The following C9 variants were observed in gnomAD, a reference collection of about 807,000 sequenced individuals.
The protein encoded by C9 is complement component C9.
A neutral mutation model predicts 65.4 loss-of-function variants in C9; 63 were observed. The ratio of observed to expected loss-of-function variants is 0.96; its 90% CI spans 0.79 to 1.19. The LOEUF (loss-of-function observed/expected upper bound fraction) is 1.19. C9 is among the 50% of genes most tolerant of loss of function. C9 has a pLI of 0.00. For missense variants in C9, 744 were observed against 670.1 expected (o/e 1.11, Z -1.22); for synonymous variants, 229 against 227.9 (o/e 1.00, Z -0.04).
chr5:39,294,147 A>G (rs1277527992), intron 9 of C9, among the ~76,000 whole-genome samples: 1 of 151,886 alleles, frequency 6.6e-6, no homozygotes, highest in Non-Finnish European at 1.5e-5. Flanking sequence ...CATTTCAAGG[A>G]GCTAGAAAAG....
At chr5:39,295,344 T>C (rs918838577) in intron 9 of C9, among the ~76,000 whole-genome samples, 13 of 151,656 alleles carry the variant, frequency 8.6e-5, no homozygotes, top group South Asian at 4.1e-4. Flanking sequence ...GAACTGACAA[T>C]CGACTTTAGT....
chr5:39,362,502 A>G (rs932094587), intron 1 of C9, among the ~76,000 whole-genome samples: 17 of 152,156 alleles, frequency 1.1e-4, no homozygotes, highest in Admixed American at 1.1e-3. Context: ...CCTTGATTTC[A>G]GACTTCTAAC....
At chr5:39,361,821 A>G (rs35566925) in intron 1 of C9, among the ~76,000 whole-genome samples, 1 of 152,218 alleles carries the variant, frequency 6.6e-6, no homozygotes, top group Non-Finnish European at 1.5e-5. Context: ...AAAGAAAAAA[A>G]CAATAGTTAG....
At chr5:39,345,975 G>C (rs928496711) in intron 1 of C9, among the ~76,000 whole-genome samples, 2 of 152,232 alleles carry the variant, frequency 1.3e-5, no homozygotes, top group African/African-American at 4.8e-5. Context: ...AAACCAATGA[G>C]AACAAAGACA....
In C9 at chr5:39,285,073, C is replaced by T. The variant is rs1752966740; in HGVS notation, c.*126G>A. 1.2e-6 allele frequency: 1 copy of T among 810,992 alleles called. No homozygotes were observed. Among genetic ancestry groups the T allele is most frequent in the Admixed American group, 1.9e-5 (1 of 53,422 alleles). 50.2% of individuals were successfully genotyped at this position (810,992 alleles called of 1,614,324 possible). On this transcript the variant is annotated 3_prime_UTR_variant, in exon 11 of 11. Coordinates refer to ENST00000263408, the MANE Select transcript of C9 (RefSeq NM_001737.5). The stretch of plus-strand genomic sequence containing the variant: ...TATAGACCTAAGAGAGAAGAGACTT[C>T]AGAGGTTGGTAGGATTTTCATGAAG...
intron 1 of C9, among the ~76,000 whole-genome samples, chr5:39,354,226 T>A (rs936319955): frequency 6.6e-6 from 1 of 152,206 alleles, no homozygotes; most frequent in African/African-American, 2.4e-5. Flanking sequence ...AATGTTTCCA[T>A]AAAACTACAG....
chr5:39,284,615 AACTAGTAGTTTTTGGTT>A lies in C9; in HGVS notation c.*567_*583del, dbSNP rs1209315857. On this transcript the variant is annotated 3_prime_UTR_variant, in exon 11 of 11. Transcript: ENST00000263408. ...TTTATCTCCCTTCAGTCCTCTGGTA[AACTAGTAGTTTTTGGTT>A]ACAAATATAATATGTTTTCCCCCTT... The A allele has an allele frequency of 6.6e-6, 1 of 152,414 alleles. No homozygotes were observed. The allele number at this position is 152,414 out of a possible 1,614,324, so 9.4% of individuals were successfully genotyped here.
chr5:39,313,428 A>T (rs1178086467), intron 6 of C9, among the ~76,000 whole-genome samples: 1 of 152,160 alleles, frequency 6.6e-6, no homozygotes, highest in African/African-American at 2.4e-5. Context: ...CACAATTGAC[A>T]CAGTTCATCA....
intron 5 of C9, among the ~76,000 whole-genome samples, chr5:39,316,454 A>G (rs975599885): frequency 2.0e-5 from 3 of 152,222 alleles, no homozygotes; most frequent in African/African-American, 7.2e-5. Flanking sequence ...CCCATCACCC[A>G]GGTATTAAGC....
intron 10 of C9, 45 bp downstream of exon 10, chr5:39,288,678 A>T: frequency 1.0e-6 from 1 of 1,000,914 alleles, no homozygotes; most frequent in Non-Finnish European, 1.6e-6. Flanking sequence ...ATAACCCCAA[A>T]GTGCATATTT....
intron 5 of C9, among the ~76,000 whole-genome samples, chr5:39,321,171 T>G (rs1753660521): frequency 6.6e-6 from 1 of 152,168 alleles, no homozygotes; most frequent in South Asian, 2.1e-4. Context: ...ATCAAGTATA[T>G]CTGTAGTATG....
At chr5:39,360,412 T>G (rs1754494859) in intron 1 of C9, among the ~76,000 whole-genome samples, 4 of 152,180 alleles carry the variant, frequency 2.6e-5, no homozygotes, top group Admixed American at 6.5e-5. Flanking sequence ...CTAGTCACTT[T>G]CAGGTCTTCT....
At chr5:39,337,730 T>C (rs1315238070) in intron 4 of C9, among the ~76,000 whole-genome samples, 1 of 152,366 alleles carries the variant, frequency 6.6e-6, no homozygotes, top group East Asian at 1.9e-4. Context: ...GTTGGGGGAT[T>C]TCCCCAAACA....
chr5:39,357,962 G>GGA (rs150644311), intron 1 of C9, among the ~76,000 whole-genome samples: 15 of 150,520 alleles, frequency 1.0e-4, no homozygotes, highest in South Asian at 2.1e-4. Flanking sequence ...AGCATGGGGT[G>GGA]GAGAGAGAGA....
intron 4 of C9, among the ~76,000 whole-genome samples, chr5:39,333,757 G>C (rs371938079): frequency 6.6e-6 from 1 of 151,922 alleles, no homozygotes; most frequent in African/African-American, 2.4e-5. Context: ...GATTGCAGGC[G>C]CGCACCGCCA....
intron 1 of C9, among the ~76,000 whole-genome samples, chr5:39,356,277 G>A (rs924741978): frequency 7.9e-5 from 12 of 152,120 alleles, no homozygotes; most frequent in South Asian, 2.1e-4. Flanking sequence ...GTCTAGACTC[G>A]ACAACTCTTA....
At chr5:39,331,611 T>C (rs1753840764) in intron 5 of C9, 65 bp downstream of exon 5, 1 of 1,382,382 alleles carries the variant, frequency 7.2e-7, no homozygotes, top group Non-Finnish European at 1.0e-6. Context: ...TGTTTGGTAC[T>C]AAACTTATTT....
At chr5:39,326,135 A>C (rs1301988747) in intron 5 of C9, among the ~76,000 whole-genome samples, 2 of 152,188 alleles carry the variant, frequency 1.3e-5, no homozygotes, top group Non-Finnish European at 2.9e-5. Flanking sequence ...AGTTATTAAC[A>C]CATTTAATCT....
In C9 at chr5:39,343,688, G is replaced by A. The variant is rs371420951; in HGVS notation, c.78-1492C>T. On this transcript the variant is annotated intron_variant, in intron 1 of 10. Transcript: ENST00000263408. ...TTTGAAGAGAGTAGTGGTTCTCCCA[G>A]CATGGAGTTTGAGATCTGAGAATGG... 2.4e-4 allele frequency among the ~76,000 whole-genome samples: 37 copies of A among 152,306 alleles called. 1 individual carries two copies. In the East Asian group the frequency reaches 3.1e-3, roughly 13 times the overall value.
Sources: allele counts gnomAD v4.1 joint callset (sites outside exome capture counted in the v4.1 genomes callset), GRCh38; gene constraint gnomAD v4.1.1; transcripts MANE v1.5; gene names NCBI Gene and HGNC (gene_info 2026-07-23, HGNC 2026-07-21).